Variants in ANO4 observed in about 807,000 individuals in gnomAD.
ANO4 encodes the protein anoctamin 4, also known as anoctamin-4.
A neutral mutation model predicts 141.9 loss-of-function variants in ANO4; 69 were observed. The observed-to-expected ratio is 0.49, with a 90% CI of 0.40 to 0.59. The LOEUF (loss-of-function observed/expected upper bound fraction) is 0.59, where lower values mean the gene tolerates loss of function less well. ANO4 is among the 20% of genes least tolerant of loss of function. The pLI is 0.00. For missense variants in ANO4, 894 were observed against 1,162.2 expected, an observed-to-expected ratio of 0.77 and a Z score of 3.36; for synonymous variants, 350 against 394.3, an observed-to-expected ratio of 0.89 and a Z score of 1.33.
At chr12:101,062,216 G>A (rs1038509350) in intron 14 of ANO4, among the ~76,000 whole-genome samples, 3 of 152,218 alleles carry the variant, frequency 2.0e-5, no homozygotes, top group African/African-American at 7.2e-5. Flanking sequence ...AGTGGAGGCT[G>A]CAGAACAGCA....
chr12:100,997,036 AGAAAGAAGTGTCTTT>A (rs1317709666), intron 8 of ANO4, among the ~76,000 whole-genome samples: 1 of 152,116 alleles, frequency 6.6e-6, no homozygotes. Flanking sequence ...ATGAGTGAAC[AGAAAGAAGTGTCTTT>A]TCAGCTGGGT....
chr12:100,749,722 G>A (rs1391807511), intron 3 of ANO4, among the ~76,000 whole-genome samples: 1 of 152,172 alleles, frequency 6.6e-6, no homozygotes, highest in Non-Finnish European at 1.5e-5. Context: ...AATGTGATTT[G>A]CAAATAATTA....
intron 3 of ANO4, among the ~76,000 whole-genome samples, chr12:100,927,371 T>C (rs1321311341): frequency 6.6e-6 from 1 of 152,094 alleles, no homozygotes; most frequent in Non-Finnish European, 1.5e-5. Context: ...ATTCAAACCC[T>C]CCATCCATAG....
At chr12:101,062,718 G>A (rs2048402632) in intron 14 of ANO4, among the ~76,000 whole-genome samples, 1 of 152,160 alleles carries the variant, frequency 6.6e-6, no homozygotes, top group Admixed American at 6.5e-5. Context: ...CCTCAGCAAT[G>A]GCGGACACCC....
At chr12:100,801,093 GTCTCTC>G (rs35462149) in intron 1 of ANO4, among the ~76,000 whole-genome samples, 161 of 147,242 alleles carry the variant, frequency 1.1e-3, no homozygotes, top group Middle Eastern at 7.0e-3. Flanking sequence ...TTGTCTACTT[GTCTCTC>G]TCTCTCTCTC....
chr12:101,022,095 T>TA (rs11385551), intron 9 of ANO4, among the ~76,000 whole-genome samples: 68,071 of 147,806 alleles, frequency 0.46, 15,738 homozygotes, highest in Non-Finnish European at 0.5. Flanking sequence ...TAAATTAAAA[T>TA]ATAACATGGA....
At chr12:101,035,537 T>G (rs1435743106) in intron 9 of ANO4, among the ~76,000 whole-genome samples, 1 of 152,154 alleles carries the variant, frequency 6.6e-6, no homozygotes, top group Non-Finnish European at 1.5e-5. Flanking sequence ...TATACCTCAG[T>G]AAAGCTGTTT....
chr12:100,726,860 A>C (rs534490511), intron 1 of ANO4, among the ~76,000 whole-genome samples: 1 of 152,080 alleles, frequency 6.6e-6, no homozygotes, highest in Non-Finnish European at 1.5e-5. Context: ...TTGTTTGGCC[A>C]GTAGTGCAAC....
rs1287152150 is a variant in ANO4, at chr12:100,935,703, GT to G, written c.161-3611del. Among the ~76,000 whole-genome samples the G allele has an allele frequency of 2.6e-5, 4 of 152,184 alleles. No individual in the cohort carries two copies. The East Asian group carries it at 7.7e-4, about 29-fold the overall frequency. ...AGCAGGGCCATGCCTGGGCTCTCCA[GT>G]ACTTCAGCCCCGGTTCCTAGCTCAG... On this transcript the variant is annotated intron_variant, in intron 3 of 27. Coordinates refer to ENST00000392977, the MANE Select transcript of ANO4 (RefSeq NM_001286615.2).
intron 1 of ANO4, among the ~76,000 whole-genome samples, chr12:100,731,700 C>G (rs973763052): frequency 6.6e-6 from 1 of 152,184 alleles, no homozygotes; most frequent in African/African-American, 2.4e-5. Context: ...TTTATTGTCT[C>G]CATAGTTTTG....
intron 14 of ANO4, among the ~76,000 whole-genome samples, chr12:101,072,412 A>G (rs1177361839): frequency 6.6e-6 from 1 of 152,242 alleles, no homozygotes; most frequent in African/African-American, 2.4e-5. Context: ...CATTTTGGTA[A>G]ATGCACAGCA....
Position 101,097,958 on chromosome 12 carries a change from G to A in ANO4, c.2006+13G>A, listed in dbSNP as rs2050048634. On this transcript the variant is annotated intron_variant, in intron 21 of 27. Transcript: ENST00000392977. ...AACTTGGCTACCCGTAAGTACCTTA[G>A]TATCAATAATTGAGAGGCAGCATTG... is the stretch of plus-strand genomic sequence containing the variant. The A allele has an allele frequency of 1.2e-6, 2 of 1,606,574 alleles. No homozygotes were observed. The highest frequency in any genetic ancestry group is 2.2e-5 in the South Asian group (2 of 90,750).
intron 1 of ANO4, among the ~76,000 whole-genome samples, chr12:100,862,175 C>T (rs2038514470): frequency 6.6e-6 from 1 of 152,164 alleles, no homozygotes; most frequent in Non-Finnish European, 1.5e-5. Flanking sequence ...GATCCTCTCA[C>T]CTCAGCCTCT....
chr12:100,769,251 G>T (rs2033204157), intron 3 of ANO4, among the ~76,000 whole-genome samples: 1 of 152,168 alleles, frequency 6.6e-6, no homozygotes, highest in Non-Finnish European at 1.5e-5. Context: ...GTATGCATTT[G>T]TAATTTTAAT....
intron 1 of ANO4, among the ~76,000 whole-genome samples, chr12:100,815,322 G>A (rs539269619): frequency 9.9e-5 from 15 of 152,132 alleles, no homozygotes; most frequent in Admixed American, 2.0e-4. Context: ...AGTATTTGTC[G>A]TAATGATATA....
At chr12:101,024,710 G>T (rs1385581201) in intron 9 of ANO4, among the ~76,000 whole-genome samples, 3 of 152,242 alleles carry the variant, frequency 2.0e-5, no homozygotes, top group Non-Finnish European at 4.4e-5. Flanking sequence ...TCCCAATAGA[G>T]ACTCCAGGGA....
chr12:101,074,158 A>G (rs1440446041), intron 14 of ANO4, among the ~76,000 whole-genome samples: 1 of 152,202 alleles, frequency 6.6e-6, no homozygotes, highest in Non-Finnish European at 1.5e-5. Context: ...AGATAAGGTT[A>G]GATCGCTGTA....
chr12:100,970,684 T>C (rs931920411), intron 5 of ANO4, among the ~76,000 whole-genome samples: 3 of 81,022 alleles, frequency 3.7e-5, no homozygotes, highest in Non-Finnish European at 7.3e-5. Context: ...CTTCCTTCCT[T>C]CCTTCCTTCC....
At position 101,126,867 on chromosome 12, in the gene ANO4, CCT is replaced by C; in HGVS notation, c.2677-9_2677-8del. 1 of 1,518,886 alleles carries C rather than the reference CCT, an allele frequency of 6.6e-7. No homozygotes were observed. Among genetic ancestry groups the C allele is most frequent in the Non-Finnish European group, 8.8e-7 (1 of 1,130,772 alleles). The allele number at this position is 1,518,886 out of a possible 1,614,324, so 94.1% of individuals were successfully genotyped here. ...AGTAGACCTGACGCTGTTACATTCT[CCT>C]CTGTTTTAGCACCTCGTGTTTTGTA... On this transcript the variant is annotated splice_polypyrimidine_tract_variant and intron_variant, in intron 26 of 27. Transcript: ENST00000392977.
Sources: gnomAD v4.1 joint callset for allele counts (sites outside exome capture counted in the v4.1 genomes callset) on GRCh38, gnomAD v4.1.1 for gene constraint, MANE v1.5 for transcripts, NCBI Gene and HGNC (gene_info 2026-07-23, HGNC 2026-07-21) for gene names.